SCOC: variants seen among roughly 807,000 people sequenced by gnomAD.
The protein encoded by SCOC is short coiled-coil protein.
In SCOC, 7 loss-of-function variants were observed where a neutral mutation model predicts 9.9. That is an observed-to-expected ratio of 0.71 (90% CI 0.40 to 1.33). The LOEUF (loss-of-function observed/expected upper bound fraction) is 1.33. Among genes scored for constraint, SCOC ranks in the 40% most tolerant of loss-of-function variants. SCOC has a pLI of 0.01. For missense variants in SCOC, 66 were observed against 89.7 expected (o/e 0.74, Z 1.07); for synonymous variants, 19 against 28.2 (o/e 0.67, Z 1.03).
chr4:140,273,591 C>T (rs1318746273), intron 1 of SCOC, among the ~76,000 whole-genome samples: 1 of 151,960 alleles, frequency 6.6e-6, no homozygotes, highest in African/African-American at 2.4e-5. Flanking sequence ...AACATGTCTG[C>T]CTCAAGCTTC....
At chr4:140,286,244 T>C (rs1170774993) in intron 1 of SCOC, among the ~76,000 whole-genome samples, 1 of 151,566 alleles carries the variant, frequency 6.6e-6, no homozygotes, top group Non-Finnish European at 1.5e-5. Context: ...AGAGATCACA[T>C]ACAATTGTGG....
At chr4:140,271,207 A>G (rs1476672315) in intron 1 of SCOC, among the ~76,000 whole-genome samples, 1 of 152,216 alleles carries the variant, frequency 6.6e-6, no homozygotes, top group African/African-American at 2.4e-5. Flanking sequence ...GAGACGATGG[A>G]TGATGGGCAT....
chr4:140,371,177 G>A (rs907658718), upstream of SCOC, among the ~76,000 whole-genome samples: 5 of 150,098 alleles, frequency 3.3e-5, no homozygotes, highest in African/African-American at 7.6e-5. Flanking sequence ...GAGCCACCGC[G>A]CCTGGCCTGA....
At chr4:140,360,281 A>G (rs1560719161) in intron 2 of SCOC, among the ~76,000 whole-genome samples, 1 of 152,246 alleles carries the variant, frequency 6.6e-6, no homozygotes, top group Non-Finnish European at 1.5e-5. Context: ...AGAGGTCACC[A>G]GCATACCATC....
intron 1 of SCOC, among the ~76,000 whole-genome samples, chr4:140,261,554 T>C (rs767467751): frequency 3.3e-5 from 5 of 152,238 alleles, no homozygotes; most frequent in African/African-American, 4.8e-5. Flanking sequence ...TCTGCATTCA[T>C]GAAATATTTA....
intron 1 of SCOC, among the ~76,000 whole-genome samples, chr4:140,316,426 T>C (rs1469359368): frequency 6.6e-6 from 1 of 152,228 alleles, no homozygotes; most frequent in Non-Finnish European, 1.5e-5. Context: ...TCTATGTATA[T>C]AGCATTACAT....
chr4:140,322,865 A>G (rs1465873998), intron 1 of SCOC, among the ~76,000 whole-genome samples: 1 of 152,152 alleles, frequency 6.6e-6, no homozygotes, highest in Non-Finnish European at 1.5e-5. Context: ...CTATTCATCA[A>G]GACAACAAGA....
intron 2 of SCOC, among the ~76,000 whole-genome samples, chr4:140,348,847 C>T (rs1726855709): frequency 2.0e-5 from 3 of 152,152 alleles, no homozygotes; most frequent in African/African-American, 7.2e-5. Context: ...CAAAGATTCC[C>T]TGTTCTCCAC....
intron 2 of SCOC, among the ~76,000 whole-genome samples, chr4:140,360,348 T>A (rs753959454): frequency 6.6e-6 from 1 of 152,114 alleles, no homozygotes; most frequent in Non-Finnish European, 1.5e-5. Context: ...AACCCCTAAG[T>A]GGCATTCACG....
chr4:140,379,604 A>G lies in SCOC; in HGVS notation c.58A>G (p.Lys20Glu), dbSNP rs1398279294. ...DAENQVELEE[K>E]TRLINQVLEL... ...TGAAAATCAAGTGGAACTGGAGGAA[A>G]AAACAAGACTTATTAATCAAGTGTT... The change falls in exon 3 of 4, where the codon AAA becomes GAA. Residue 20 changes from lysine to glutamate, a missense_variant. By Grantham distance (56) the Lys-to-Glu change is moderately conservative (BLOSUM62 1). Coordinates refer to ENST00000608372, the MANE Select transcript of SCOC (RefSeq NM_001153484.2). The G allele has an allele frequency of 6.2e-7, 1 of 1,613,004 alleles. No individual in the cohort carries two copies. The highest frequency in any genetic ancestry group is 1.1e-5 in the South Asian group (1 of 90,942).
intron 1 of SCOC, 148 bp downstream of exon 1, chr4:140,373,865 T>G: frequency 1.1e-6 from 1 of 885,742 alleles, no homozygotes; most frequent in Non-Finnish European, 1.8e-6. Context: ...CCTGGGCATT[T>G]GGTGGGCGGC....
intron 2 of SCOC, among the ~76,000 whole-genome samples, chr4:140,354,507 AACTTTTTTTTTTTTTTTTTTTTTTT>A (rs1727120677): frequency 7.0e-6 from 1 of 143,758 alleles, no homozygotes; most frequent in South Asian, 2.3e-4. Context: ...TTTCTCAAAG[AACTTTTTTTTTTTTTTTTTTTTTTT>A]GCAGGATATT....
At chr4:140,268,366 A>C (rs1730774824) in intron 1 of SCOC, among the ~76,000 whole-genome samples, 1 of 152,194 alleles carries the variant, frequency 6.6e-6, no homozygotes, top group Non-Finnish European at 1.5e-5. Flanking sequence ...AATGTATACA[A>C]ATGAATCATT....
At chr4:140,287,496 T>C (rs1357279613) in intron 1 of SCOC, among the ~76,000 whole-genome samples, 1 of 150,190 alleles carries the variant, frequency 6.7e-6, no homozygotes, top group Non-Finnish European at 1.5e-5. Context: ...ACATAGACCA[T>C]GCACATACAT....
intron 2 of SCOC, among the ~76,000 whole-genome samples, chr4:140,348,836 G>A (rs1451323314): frequency 6.6e-6 from 1 of 152,140 alleles, no homozygotes; most frequent in Admixed American, 6.5e-5. Flanking sequence ...CTAACAGTGT[G>A]CAAAGATTCC....
chr4:140,324,449 A>G (rs938120745), intron 1 of SCOC, among the ~76,000 whole-genome samples: 14 of 152,188 alleles, frequency 9.2e-5, no homozygotes, highest in Admixed American at 2.6e-4. Flanking sequence ...TTATCAATGT[A>G]GACAATTCCA....
At chr4:140,258,894 T>C (rs537609936) in intron 1 of SCOC, among the ~76,000 whole-genome samples, 1 of 152,368 alleles carries the variant, frequency 6.6e-6, no homozygotes, top group South Asian at 2.1e-4. Context: ...CATGAATGGC[T>C]TCTTGCTGGC....
intron 1 of SCOC, among the ~76,000 whole-genome samples, chr4:140,375,333 A>G (rs1447045629): frequency 2.6e-5 from 4 of 152,234 alleles, no homozygotes; most frequent in East Asian, 1.9e-4. Flanking sequence ...TTGCCAACAC[A>G]TTGTATCTAT....
upstream of SCOC, among the ~76,000 whole-genome samples, chr4:140,340,526 G>A (rs185558609): frequency 1.1e-4 from 17 of 151,694 alleles, no homozygotes; most frequent in Admixed American, 1.1e-3. Context: ...TAAATTTTGG[G>A]CAACTGGATA....
Sources: allele counts gnomAD v4.1 joint callset (sites outside exome capture counted in the v4.1 genomes callset), GRCh38; gene constraint gnomAD v4.1.1; transcripts MANE v1.5; gene names NCBI Gene and HGNC (gene_info 2026-07-23, HGNC 2026-07-21).